The following CUX1 variants were observed in gnomAD, a reference collection of about 807,000 sequenced individuals.
CUX1 encodes protein CASP.
In CUX1, 31 loss-of-function variants were observed where a neutral mutation model predicts 158.8. That is an observed-to-expected ratio of 0.20 (90% CI 0.15 to 0.26). The LOEUF (loss-of-function observed/expected upper bound fraction) is 0.26, where lower values mean the gene tolerates loss of function less well. CUX1 is among the 10% of genes least tolerant of loss of function. The pLI, the probability that CUX1 is intolerant of heterozygous loss-of-function variation, is 1.00. For synonymous variants in CUX1, 879 were observed against 862.1 expected (o/e 1.02, Z -0.34); for missense variants, 1,589 against 2,014.6 (o/e 0.79, Z 4.04).
chr7:102,188,248 A>T (rs1554515867), intron 11 of CUX1, among the ~76,000 whole-genome samples: 2 of 152,012 alleles, frequency 1.3e-5, no homozygotes, highest in African/African-American at 4.8e-5. Flanking sequence ...AATACCTAGA[A>T]ACCCTGTAGA....
chr7:101,894,344 C>T (rs1047596058), intron 1 of CUX1, among the ~76,000 whole-genome samples: 7 of 152,242 alleles, frequency 4.6e-5, no homozygotes, highest in African/African-American at 9.6e-5. Flanking sequence ...GACGGAGTCT[C>T]GCTCTGTCGC....
Position 102,251,232 on chromosome 7 carries a change from CTTTTT to C in CUX1, c.*2196_*2200del, listed in dbSNP as rs535433695. ...TATTTCTTAAGTTTAATTAATATTA[CTTTTT>C]TTTTTATTTGGGGGGTGGGAGGGAG... is the stretch of plus-strand genomic sequence containing the variant. On this transcript the variant is annotated 3_prime_UTR_variant, in exon 24 of 24. Coordinates refer to ENST00000292535, the MANE Select transcript of CUX1 (RefSeq NM_181552.4). The C allele has an allele frequency of 1.3e-5, 9 of 717,444 alleles. No homozygotes were observed. The highest frequency in any genetic ancestry group is 9.9e-5 in the African/African-American group (4 of 40,348). The allele number at this position is 717,444 out of a possible 1,614,324, so 44.4% of individuals were successfully genotyped here. A position where few individuals can be genotyped will look rare whatever the true frequency, so the allele number is the denominator to read the frequency against.
chr7:102,176,558 C>CTTTTTTTTTT (rs60973137), intron 10 of CUX1, among the ~76,000 whole-genome samples: 1 of 86,730 alleles, frequency 1.2e-5, no homozygotes, highest in Admixed American at 1.4e-4. Flanking sequence ...GCCAGGATTC[C>CTTTTTTTTTT]TTTTTTTTTT....
At chr7:101,818,280 C>T (rs549709720) in intron 1 of CUX1, among the ~76,000 whole-genome samples, 1 of 152,252 alleles carries the variant, frequency 6.6e-6, no homozygotes, top group African/African-American at 2.4e-5. Flanking sequence ...AAATAGCTCC[C>T]TTTTACCATA....
chr7:101,984,719 C>T (rs895975290), intron 2 of CUX1, among the ~76,000 whole-genome samples: 9 of 151,982 alleles, frequency 5.9e-5, no homozygotes, highest in African/African-American at 1.5e-4. Flanking sequence ...AGGTGGCTGG[C>T]GTTCGCAAAA....
intron 8 of CUX1, among the ~76,000 whole-genome samples, chr7:102,121,260 C>T (rs763912699): frequency 6.6e-6 from 1 of 151,908 alleles, no homozygotes; most frequent in Non-Finnish European, 1.5e-5. Context: ...CTCCACCTCC[C>T]GGGTTCAAGT....
rs551057535 is a variant in CUX1 at position 102,201,284 on chromosome 7, C to T, written c.2063-76C>T. The T allele has an allele frequency of 1.5e-5, 24 of 1,555,012 alleles. No individual in the cohort carries two copies. In the South Asian group the frequency reaches 2.8e-4, roughly 18 times the overall value. ...AAATAACCCACACTTTGCAGTAGGT[C>T]AAGTTAGGATGAGAAGCATGTCCCC... On this transcript the variant is annotated intron_variant, in intron 17 of 23. Coordinates refer to ENST00000292535, the MANE Select transcript of CUX1 (RefSeq NM_181552.4). This position sits in a 1 kb window ranked among gnomAD's most constrained non-coding sequence, Gnocchi z 5.0.
intron 2 of CUX1, among the ~76,000 whole-genome samples, chr7:101,965,938 A>G (rs910487555): frequency 2.7e-5 from 4 of 150,788 alleles, no homozygotes; most frequent in Admixed American, 2.6e-4. Flanking sequence ...CCTCATTTAG[A>G]TTACAGTTGG....
intron 5 of CUX1, among the ~76,000 whole-genome samples, chr7:102,102,593 G>T (rs373901107): frequency 2.5e-4 from 38 of 152,254 alleles, no homozygotes; most frequent in African/African-American, 8.4e-4. Context: ...GCACCAGAGG[G>T]AGCTCCATTG....
intron 3 of CUX1, among the ~76,000 whole-genome samples, chr7:102,068,218 A>G (rs1825759053): frequency 1.3e-5 from 2 of 151,732 alleles, no homozygotes; most frequent in Admixed American, 1.3e-4. Flanking sequence ...CAGCCTCCCA[A>G]GTAGCTGGTA....
At chr7:102,242,274 C>T (rs1034631922) in intron 23 of CUX1, among the ~76,000 whole-genome samples, 4 of 146,628 alleles carry the variant, frequency 2.7e-5, no homozygotes, top group Admixed American at 7.0e-5. Flanking sequence ...TACAGCAGCA[C>T]GATCTCGGCT....
intron 2 of CUX1, among the ~76,000 whole-genome samples, chr7:102,025,314 G>A (rs889108622): frequency 6.7e-6 from 1 of 149,774 alleles, no homozygotes; most frequent in Non-Finnish European, 1.5e-5. Flanking sequence ...GCTGACCACA[G>A]ATAGCCTTAT....
intron 3 of CUX1, among the ~76,000 whole-genome samples, chr7:102,062,465 G>A (rs535097916): frequency 7.2e-5 from 11 of 152,232 alleles, no homozygotes; most frequent in Admixed American, 2.6e-4. Context: ...TATCATAAGC[G>A]GATACTGATT....
At chr7:102,272,880 A>G (rs1791322592) in intron 14 of CUX1, among the ~76,000 whole-genome samples, 1 of 152,070 alleles carries the variant, frequency 6.6e-6, no homozygotes, top group Non-Finnish European at 1.5e-5. Context: ...TGGCACCCCT[A>G]CGCGCCCCAC....
chr7:101,965,606 G>T (rs1242784923), intron 2 of CUX1, among the ~76,000 whole-genome samples: 1 of 152,070 alleles, frequency 6.6e-6, no homozygotes. Flanking sequence ...CCAGCACTTT[G>T]GGAGGCCGAG....
At chr7:101,973,770 C>T (rs867382851) in intron 2 of CUX1, among the ~76,000 whole-genome samples, 241 of 137,360 alleles carry the variant, frequency 1.8e-3, no homozygotes, top group African/African-American at 6.1e-3. Flanking sequence ...TTTTCTTTTT[C>T]TTTTTTTTTT....
chr7:102,151,414 G>T (rs1481193405), intron 8 of CUX1, among the ~76,000 whole-genome samples: 2 of 152,188 alleles, frequency 1.3e-5, no homozygotes, highest in African/African-American at 4.8e-5. Flanking sequence ...TTAGCCGGGT[G>T]TGGTGGCGCA....
chr7:101,958,872 T>TTA (rs1167690367), intron 2 of CUX1, among the ~76,000 whole-genome samples: 2 of 141,126 alleles, frequency 1.4e-5, no homozygotes, highest in Admixed American at 7.2e-5. Flanking sequence ...TTTTTTTTTT[T>TTA]AAGAGACAGT....
At chr7:102,120,845 C>G (rs1429475573) in intron 8 of CUX1, among the ~76,000 whole-genome samples, 2 of 152,104 alleles carry the variant, frequency 1.3e-5, no homozygotes, top group Non-Finnish European at 2.9e-5. Flanking sequence ...GGGAGGATCA[C>G]TTGAGCCCAA....
Sources: gnomAD v4.1 joint callset for allele counts (sites outside exome capture counted in the v4.1 genomes callset) on GRCh38, gnomAD v4.1.1 for gene constraint, Gnocchi (gnomAD v3.1) non-coding constraint, MANE v1.5 for transcripts, NCBI Gene and HGNC (gene_info 2026-07-23, HGNC 2026-07-21) for gene names.